AGBL4: variants seen among roughly 807,000 people sequenced by gnomAD.
The protein encoded by AGBL4 is AGBL carboxypeptidase 4, also known as cytosolic carboxypeptidase 6.
Under a neutral mutation model 66.4 loss-of-function variants are expected in AGBL4, and 58 were observed. That is an observed-to-expected ratio of 0.87 (90% CI 0.71 to 1.09). The LOEUF is 1.09. AGBL4 is among the 50% of genes least tolerant of loss of function. The pLI is 0.00. For synonymous variants in AGBL4, 234 were observed against 222.9 expected (o/e 1.05, Z -0.44); for missense variants, 579 against 631.0 (o/e 0.92, Z 0.88).
chr1:49,751,051 C>T (rs543169538), intron 2 of AGBL4, among the ~76,000 whole-genome samples: 149 of 152,304 alleles, frequency 9.8e-4, no homozygotes, highest in African/African-American at 3.3e-3. Context: ...AATTTGACTT[C>T]CTCTCTTCCT....
chr1:48,789,279 T>G (rs879934356), intron 6 of AGBL4, among the ~76,000 whole-genome samples: 24 of 106,602 alleles, frequency 2.3e-4, no homozygotes, highest in Admixed American at 6.5e-4. Context: ...GCTGCGTGGA[T>G]ATATATATAT....
At chr1:48,972,259 G>T (rs1658968288) in intron 5 of AGBL4, among the ~76,000 whole-genome samples, 1 of 152,112 alleles carries the variant, frequency 6.6e-6, no homozygotes, top group Non-Finnish European at 1.5e-5. Context: ...AGATGGTCAA[G>T]TTGGGGGATA....
At chr1:49,046,788 A>G (rs1644091118) in intron 4 of AGBL4, among the ~76,000 whole-genome samples, 1 of 152,110 alleles carries the variant, frequency 6.6e-6, no homozygotes, top group Admixed American at 6.6e-5. Context: ...TTTTTTATCA[A>G]TTGCTTAATA....
chr1:48,713,700 G>A (rs1647002791), intron 6 of AGBL4, among the ~76,000 whole-genome samples: 1 of 152,156 alleles, frequency 6.6e-6, no homozygotes, highest in Non-Finnish European at 1.5e-5. Flanking sequence ...CTCTAAGGAG[G>A]ACCCTAAGGA....
At chr1:48,532,636 C>T (rs1643912760), downstream of AGBL4, among the ~76,000 whole-genome samples, 1 of 152,164 alleles carries the variant, frequency 6.6e-6, no homozygotes, top group Non-Finnish European at 1.5e-5. Context: ...CTGATACACT[C>T]TTGGTGCATG....
At chr1:49,537,215 C>A (rs2148820112) in intron 3 of AGBL4, among the ~76,000 whole-genome samples, 1 of 152,214 alleles carries the variant, frequency 6.6e-6, no homozygotes, top group East Asian at 1.9e-4. Context: ...TAGGGAATCT[C>A]TTCTGGACAT....
intron 3 of AGBL4, among the ~76,000 whole-genome samples, chr1:49,457,292 T>G (rs1646411018): frequency 6.6e-6 from 1 of 151,850 alleles, no homozygotes; most frequent in Non-Finnish European, 1.5e-5. Flanking sequence ...AGTATCGCAT[T>G]GTGGTTTTGA....
intron 3 of AGBL4, among the ~76,000 whole-genome samples, chr1:49,419,013 G>T (rs1166628998): frequency 6.6e-6 from 1 of 152,174 alleles, no homozygotes; most frequent in Non-Finnish European, 1.5e-5. Context: ...GGTGAGAGAT[G>T]ATCAGACTTT....
intron 6 of AGBL4, among the ~76,000 whole-genome samples, chr1:48,811,653 C>A (rs1363743310): frequency 6.6e-6 from 1 of 152,156 alleles, no homozygotes; most frequent in Non-Finnish European, 1.5e-5. Context: ...ATTCTAGGAT[C>A]CCCGTTTCCT....
chr1:48,915,752 G>C (rs1353590075), intron 5 of AGBL4, among the ~76,000 whole-genome samples: 1 of 152,110 alleles, frequency 6.6e-6, no homozygotes. Context: ...GTGAACTGCT[G>C]TACTAAAGGA....
chr1:48,603,093 C>G (rs1407613764), intron 9 of AGBL4, among the ~76,000 whole-genome samples: 1 of 152,200 alleles, frequency 6.6e-6, no homozygotes, highest in African/African-American at 2.4e-5. Flanking sequence ...AAGGAAAGGA[C>G]CCTCCAGTGG....
chr1:49,374,354 A>C (rs1459641979), intron 3 of AGBL4: 1 of 151,996 alleles, frequency 6.6e-6, no homozygotes, highest in Non-Finnish European at 1.5e-5. Flanking sequence ...CCTAAAAAAA[A>C]AAAACAAAAA....
chr1:49,919,460 C>A (rs1273740975), intron 1 of AGBL4, among the ~76,000 whole-genome samples: 3 of 152,006 alleles, frequency 2.0e-5, no homozygotes, highest in Admixed American at 2.0e-4. Context: ...AAACAGAGAG[C>A]CAAATCATGA....
intron 3 of AGBL4, among the ~76,000 whole-genome samples, chr1:49,634,922 A>C (rs1645642272): frequency 1.3e-5 from 2 of 152,230 alleles, no homozygotes; most frequent in South Asian, 4.1e-4. Context: ...CATCAGAGAG[A>C]TGCAAACGTA....
intron 3 of AGBL4, among the ~76,000 whole-genome samples, chr1:49,543,097 C>G (rs998715390): frequency 3.3e-5 from 5 of 151,950 alleles, no homozygotes; most frequent in African/African-American, 1.2e-4. Context: ...GTAACATAAC[C>G]AATCACAGAG....
At chr1:48,571,168 T>A (rs570518941) in intron 11 of AGBL4, among the ~76,000 whole-genome samples, 1 of 152,332 alleles carries the variant, frequency 6.6e-6, no homozygotes, top group South Asian at 2.1e-4. Context: ...AGATAAGATA[T>A]ATGAAGTTCA....
At chr1:48,656,158 G>T (rs1241910110) in intron 7 of AGBL4, among the ~76,000 whole-genome samples, 2 of 152,242 alleles carry the variant, frequency 1.3e-5, no homozygotes, top group Admixed American at 6.5e-5. Context: ...AGAAGGAAAA[G>T]TGGTAGAGGA....
intron 3 of AGBL4, among the ~76,000 whole-genome samples, chr1:49,572,730 T>A (rs954986216): frequency 6.6e-6 from 1 of 152,172 alleles, no homozygotes; most frequent in Non-Finnish European, 1.5e-5. Flanking sequence ...GTTCTTTGAA[T>A]ATTGTGATGG....
At chr1:49,842,204 CAGG>C (rs1226292454) in intron 2 of AGBL4, 5 of 429,532 alleles carry the variant, frequency 1.2e-5, no homozygotes, top group Non-Finnish European at 2.3e-5. Flanking sequence ...GGACTTCAGC[CAGG>C]AGGAGTGGAG....
Sources: allele counts gnomAD v4.1 joint callset (sites outside exome capture counted in the v4.1 genomes callset), GRCh38; gene constraint gnomAD v4.1.1; transcripts MANE v1.5; gene names NCBI Gene and HGNC (gene_info 2026-07-23, HGNC 2026-07-21).